NUBP2: variants seen among roughly 807,000 people sequenced by gnomAD.
NUBP2 encodes the protein cytosolic Fe-S cluster assembly factor NUBP2.
In NUBP2, 23 loss-of-function variants were observed where a neutral mutation model predicts 24.9. That is an observed-to-expected ratio of 0.92 (90% CI 0.66 to 1.31). The LOEUF (loss-of-function observed/expected upper bound fraction) is 1.31, where lower values mean the gene tolerates loss of function less well. Among genes scored for constraint, NUBP2 ranks in the 50% most tolerant of loss-of-function variants. The pLI, the probability that NUBP2 is intolerant of heterozygous loss-of-function variation, is 0.00. For synonymous variants in NUBP2, 186 were observed against 170.9 expected (o/e 1.09, Z -0.69); for missense variants, 403 against 386.5 (o/e 1.04, Z -0.36).
rs149087218 is a variant in NUBP2, at chr16:1,788,700, G to C, written c.802G>C (p.Ala268Pro). 1.2e-6 allele frequency: 2 copies of C among 1,610,956 alleles called. No homozygotes were observed. The highest frequency in any genetic ancestry group is 2.7e-5 in the African/African-American group (2 of 74,922). ...IAQKILDATP[A>P]CLP ...CCAGAAGATTCTGGACGCGACGCCC[G>C]CGTGCCTCCCCTGACTAAGGCCACC... The change falls in exon 7 of 7, where the codon GCG (alanine) becomes CCG (proline). Residue 268 changes from alanine (A) to proline (P), a missense_variant. Physicochemically the swap from Ala to Pro is conservative, Grantham distance 27. Transcript: ENST00000262302.
chr16:1,788,340 C>T, intron 6 of NUBP2, 133 bp downstream of exon 6: 2 of 1,091,388 alleles, frequency 1.8e-6, no homozygotes, highest in Non-Finnish European at 2.5e-6. Context: ...CTTCTCGGGC[C>T]ACACGCCATG....
At chr16:1,783,269 G>C (rs965110647) in intron 1 of NUBP2, 17 of 1,156,368 alleles carry the variant, frequency 1.5e-5, no homozygotes, top group South Asian at 4.4e-5. Flanking sequence ...GAGTCGTGGA[G>C]TTGGGGGAGC....
rs117426684 is a variant in NUBP2, at chr16:1,787,092, G to C, written c.334+137G>C. ...CACATGACACCCACGACCAGGCACAGGGCTCAGGCTGGCGGTGTGTCTCCA... is the reference window on the plus strand; with the variant it reads ...CACATGACACCCACGACCAGGCACACGGCTCAGGCTGGCGGTGTGTCTCCA... On this transcript the variant is annotated intron_variant, in intron 3 of 6. Coordinates refer to ENST00000262302, the MANE Select transcript of NUBP2 (RefSeq NM_012225.4). The C allele has an allele frequency of 8.8e-3, 7,025 of 802,392 alleles. 366 individuals are homozygous for C. The South Asian group carries it at 0.1, about 12-fold the overall frequency. 49.7% of individuals were successfully genotyped at this position (802,392 alleles called of 1,614,324 possible).
At position 1,788,905 on chromosome 16, in the gene NUBP2, A is replaced by G. The variant is rs1357045633; in HGVS notation, c.*191A>G. On this transcript the variant is annotated 3_prime_UTR_variant, in exon 7 of 7. Coordinates refer to ENST00000262302, the MANE Select transcript of NUBP2 (RefSeq NM_012225.4). Reference sequence around the variant, plus strand: ...CAGCAGCTCTGCCTGGTTGGCCTGCAGTGCCGTGGTCTGCGTGCTCTGCAG... The same window carrying G: ...CAGCAGCTCTGCCTGGTTGGCCTGCGGTGCCGTGGTCTGCGTGCTCTGCAG... 2 of 719,090 alleles carry G rather than the reference A, an allele frequency of 2.8e-6. No homozygotes were observed. Among genetic ancestry groups the G allele is most frequent in the Non-Finnish European group, 4.4e-6 (2 of 457,208 alleles). The allele number at this position is 719,090 out of a possible 1,614,324, so 44.5% of individuals were successfully genotyped here.
rs778197448 is a variant in NUBP2, at chr16:1,788,704, G to T, written c.806G>T (p.Cys269Phe). ...AAGATTCTGGACGCGACGCCCGCGT[G>T]CCTCCCCTGACTAAGGCCACCTTGC... is the stretch of plus-strand genomic sequence containing the variant. ...AQKILDATPACLP is the reference protein window; with the variant it reads ...AQKILDATPAFLP Residue 269 changes from cysteine (C) to phenylalanine (F), a missense_variant, in exon 7 of 7, where the codon TGC becomes TTC. Cys to Phe is a radical substitution (Grantham distance 205, BLOSUM62 -2). Transcript: ENST00000262302. 6.2e-7 allele frequency: 1 copy of T among 1,610,372 alleles called. No individual in the cohort carries two copies.
At chr16:1,784,551 C>G (rs1477975190) in intron 1 of NUBP2, 1 of 151,932 alleles carries the variant, frequency 6.6e-6, no homozygotes, top group Non-Finnish European at 1.5e-5. Context: ...AACAGGCACA[C>G]GCCACCACGC....
At chr16:1,787,141 C>T (rs1211309361) in intron 3 of NUBP2, 186 bp downstream of exon 3, 3 of 546,430 alleles carry the variant, frequency 5.5e-6, no homozygotes, top group Non-Finnish European at 9.5e-6. Flanking sequence ...TGCCACACAG[C>T]TGTCCCCAAC....
intron 1 of NUBP2, chr16:1,785,042 A>T: frequency 1.3e-5 from 12 of 946,430 alleles, no homozygotes; most frequent in Non-Finnish European, 1.3e-5. Context: ...ACAGAATGAG[A>T]CCCCCTCTCA....
intron 6 of NUBP2, 61 bp downstream of exon 6, chr16:1,788,268 GT>G: frequency 7.1e-7 from 1 of 1,410,876 alleles, no homozygotes. Context: ...CCCTGGGCGG[GT>G]TTGACCTCCA....
chr16:1,788,229 T>C, intron 6 of NUBP2, 22 bp downstream of exon 6: 1 of 1,456,926 alleles, frequency 6.9e-7, no homozygotes, highest in Non-Finnish European at 9.0e-7. Flanking sequence ...AAGCTGGTGC[T>C]GGGGTCGCGG....
At chr16:1,783,423 C>CA (rs1896816135) in intron 1 of NUBP2, 1 of 1,022,284 alleles carries the variant, frequency 9.8e-7, no homozygotes, top group Admixed American at 5.8e-5. Flanking sequence ...CACACGCGCG[C>CA]AGTCATGAAA....
chr16:1,784,098 T>G (rs1896851129), intron 1 of NUBP2: 1 of 867,558 alleles, frequency 1.2e-6, no homozygotes, highest in African/African-American at 1.8e-5. Flanking sequence ...ATAGAAGCTT[T>G]TTTTTTTTTT....
At chr16:1,785,033 C>G in intron 1 of NUBP2, 2 of 959,834 alleles carry the variant, frequency 2.1e-6, no homozygotes, top group Non-Finnish European at 2.5e-6. Flanking sequence ...GCCTGGGCGA[C>G]AGAATGAGAC....
In NUBP2 at chr16:1,788,690, C is replaced by A. The variant is rs183140147; in HGVS notation, c.792C>A (p.Asp264Glu). Residue 264 changes from aspartate (D) to glutamate (E), a missense_variant, in exon 7 of 7, where the codon GAC becomes GAA. By Grantham distance (45) the Asp-to-Glu change is conservative. Transcript: ENST00000262302. ...ALTSIAQKIL[D>E]ATPACLP Reference sequence around the variant, plus strand: ...CCTCCATAGCCCAGAAGATTCTGGACGCGACGCCCGCGTGCCTCCCCTGAC... The same window carrying A: ...CCTCCATAGCCCAGAAGATTCTGGAAGCGACGCCCGCGTGCCTCCCCTGAC... 18 of 1,611,704 alleles carry A rather than the reference C, an allele frequency of 1.1e-5. No individual in the cohort carries two copies. The Admixed American group carries it at 2.8e-4, about 25-fold the overall frequency.
At chr16:1,783,078 C>CT in intron 1 of NUBP2, 42 bp downstream of exon 1, 1 of 1,238,878 alleles carries the variant, frequency 8.1e-7, no homozygotes, top group Non-Finnish European at 1.0e-6. Context: ...CAGGGCCTCG[C>CT]TTGGGGCCCC....
At chr16:1,786,230 G>T in intron 1 of NUBP2, 4 of 412,212 alleles carry the variant, frequency 9.7e-6, no homozygotes, top group South Asian at 8.0e-5. Flanking sequence ...TTGCACACGC[G>T]CACGAAGGAA....
chr16:1,788,467 A>G, intron 6 of NUBP2, 102 bp from the exon 7 acceptor site: 1 of 1,417,710 alleles, frequency 7.1e-7, no homozygotes, highest in South Asian at 1.5e-5. Context: ...GCAGCGCCTC[A>G]ATCCCCTCTA....
chr16:1,784,584 T>G (rs1896874516), intron 1 of NUBP2: 1 of 151,190 alleles, frequency 6.6e-6, no homozygotes, highest in African/African-American at 2.4e-5. Flanking sequence ...TTTTGTATTT[T>G]TAGTAGAGAC....
chr16:1,786,966 G>A lies in NUBP2; in HGVS notation c.334+11G>A. On this transcript the variant is annotated intron_variant, in intron 3 of 6. Coordinates refer to ENST00000262302, the MANE Select transcript of NUBP2 (RefSeq NM_012225.4). Reference sequence around the variant, plus strand: ...GCCCCAAGAAAAACGGTAACGGCCGGGCGGCGCGTCCGCCGTCCTGGTGAA... The same window carrying A: ...GCCCCAAGAAAAACGGTAACGGCCGAGCGGCGCGTCCGCCGTCCTGGTGAA... The A allele has an allele frequency of 6.6e-7, 1 of 1,510,520 alleles. No homozygotes were observed. Among genetic ancestry groups the A allele is most frequent in the Non-Finnish European group, 8.9e-7 (1 of 1,128,606 alleles). 93.6% of individuals were successfully genotyped at this position (1,510,520 alleles called of 1,614,324 possible).
Sources: gnomAD v4.1 joint callset for allele counts on GRCh38, gnomAD v4.1.1 for gene constraint, MANE v1.5 for transcripts, NCBI Gene and HGNC (gene_info 2026-07-23, HGNC 2026-07-21) for gene names.